The following MTMR3 variants were observed in gnomAD, a reference collection of about 807,000 sequenced individuals.
The protein encoded by MTMR3 is phosphatidylinositol-3,5-bisphosphate 3-phosphatase MTMR3.
A neutral mutation model predicts 132.4 loss-of-function variants in MTMR3; 32 were observed. The ratio of observed to expected loss-of-function variants is 0.24; its 90% CI spans 0.18 to 0.32. The LOEUF is 0.32. Among genes scored for constraint, MTMR3 ranks in the 10% least tolerant of loss-of-function variants. The probability of loss-of-function intolerance (pLI) is 1.00; values close to 1 mark genes in which losing one functional copy is unlikely to be tolerated. For synonymous variants in MTMR3, 556 were observed against 550.3 expected (o/e 1.01, Z -0.14); for missense variants, 1,216 against 1,489.6 (o/e 0.82, Z 3.02).
chr22:29,924,113 A>G (rs534955230), intron 1 of MTMR3, among the ~76,000 whole-genome samples: 39 of 152,226 alleles, frequency 2.6e-4, no homozygotes, highest in African/African-American at 8.9e-4. Context: ...GCCAAATGCT[A>G]TGTCATGAAG....
At chr22:29,985,116 A>C (rs1031273615) in intron 5 of MTMR3, 4 of 152,214 alleles carry the variant, frequency 2.6e-5, no homozygotes, top group Non-Finnish European at 5.9e-5. Flanking sequence ...TTGAACCTAA[A>C]GCAGTGTAGT....
At chr22:29,986,398 A>G (rs1269581997) in intron 5 of MTMR3, 1 of 207,372 alleles carries the variant, frequency 4.8e-6, no homozygotes, top group African/African-American at 2.4e-5. Context: ...CAGGCTACCC[A>G]GAGAACTGGC....
chr22:29,933,668 C>T (rs905434037), intron 1 of MTMR3, among the ~76,000 whole-genome samples: 1 of 149,750 alleles, frequency 6.7e-6, no homozygotes, highest in African/African-American at 2.4e-5. Flanking sequence ...AGACTTTAGT[C>T]ATCAATGATA....
chr22:29,980,710 A>G (rs761200659), intron 5 of MTMR3: 8 of 152,208 alleles, frequency 5.3e-5, no homozygotes, highest in African/African-American at 1.4e-4. Flanking sequence ...TTGATGGCCA[A>G]GTGTTTCAGA....
chr22:29,964,424 C>T (rs1253508598), intron 2 of MTMR3, among the ~76,000 whole-genome samples: 1 of 152,172 alleles, frequency 6.6e-6, no homozygotes, highest in Non-Finnish European at 1.5e-5. Context: ...GTACTTGATT[C>T]TGATGGGTTG....
chr22:29,936,347 G>T (rs553335310), intron 1 of MTMR3, among the ~76,000 whole-genome samples: 2 of 152,218 alleles, frequency 1.3e-5, no homozygotes, highest in African/African-American at 4.8e-5. Flanking sequence ...GTCTTATCCG[G>T]TCAGCTTTTT....
chr22:29,938,471 C>T (rs1008608161), intron 1 of MTMR3, among the ~76,000 whole-genome samples: 1 of 152,252 alleles, frequency 6.6e-6, no homozygotes, highest in Non-Finnish European at 1.5e-5. Flanking sequence ...GGGGACTTCC[C>T]CCAGCCCGCT....
At chr22:30,021,058 C>A in intron 17 of MTMR3, 174 bp downstream of exon 17, 1 of 672,142 alleles carries the variant, frequency 1.5e-6, no homozygotes, top group South Asian at 2.0e-5. Context: ...CGATGGCAGC[C>A]TGCCTGTTTT....
At position 30,020,414 on chromosome 22, in the gene MTMR3, T is replaced by C. The variant is rs1421296723; in HGVS notation, c.2755T>C (p.Leu919=). The change falls in exon 17 of 20, where the codon TTA becomes CTA. Residue 919 remains leucine (L), a synonymous_variant. Transcript: ENST00000401950. ...SLTRSPCALP[L]AECKEGLVCN... is the part of the protein sequence containing the mutation. Reference sequence around the variant, plus strand: ...GACACGTTCCCCTTGTGCCTTGCCTTTAGCCGAATGTAAAGAGGGGCTTGT... The same window carrying C: ...GACACGTTCCCCTTGTGCCTTGCCTCTAGCCGAATGTAAAGAGGGGCTTGT... The C allele has an allele frequency of 6.2e-7, 1 of 1,614,206 alleles. No individual in the cohort carries two copies. Among genetic ancestry groups the C allele is most frequent in the Non-Finnish European group, 8.5e-7 (1 of 1,180,022 alleles).
intron 1 of MTMR3, among the ~76,000 whole-genome samples, chr22:29,900,762 T>A (rs1407148500): frequency 1.3e-5 from 2 of 152,150 alleles, no homozygotes; most frequent in African/African-American, 4.8e-5. Flanking sequence ...TCACCCAGGG[T>A]GGAGTGAGTG....
chr22:29,944,298 T>C (rs2065913973), intron 1 of MTMR3, among the ~76,000 whole-genome samples: 1 of 151,890 alleles, frequency 6.6e-6, no homozygotes, highest in Admixed American at 6.5e-5. Context: ...AATCTAATAC[T>C]TATCTCCACT....
chr22:29,998,992 C>G (rs903826066), intron 8 of MTMR3, 135 bp downstream of exon 8: 1 of 544,004 alleles, frequency 1.8e-6, no homozygotes, highest in African/African-American at 2.0e-5. Context: ...AAGGCATGAT[C>G]TTCAGAGTAT....
intron 1 of MTMR3, among the ~76,000 whole-genome samples, chr22:29,929,312 C>T (rs1222349393): frequency 6.6e-6 from 1 of 151,966 alleles, no homozygotes; most frequent in Non-Finnish European, 1.5e-5. Context: ...ACTCATTTTT[C>T]CACCAGTGCC....
chr22:30,019,007 C>T (rs1401695996), intron 16 of MTMR3: 1 of 153,896 alleles, frequency 6.5e-6, no homozygotes, highest in African/African-American at 2.4e-5. Context: ...AGTTCAAGAC[C>T]AGCCTGAACA....
chr22:29,899,893 CTTTGTATGTA>C (rs1429989340), intron 1 of MTMR3, among the ~76,000 whole-genome samples: 3 of 152,266 alleles, frequency 2.0e-5, no homozygotes, highest in Middle Eastern at 6.8e-3. Flanking sequence ...AGGTGCACTT[CTTTGTATGTA>C]TATTATACCT....
chr22:29,995,157 CAT>C (rs2067037223), intron 7 of MTMR3: 1 of 152,306 alleles, frequency 6.6e-6, no homozygotes, highest in African/African-American at 2.4e-5. Context: ...CCACGACTAG[CAT>C]ATGACTCTGG....
At chr22:30,016,358 A>T in intron 14 of MTMR3, 170 bp from the exon 15 acceptor site, 1 of 631,342 alleles carries the variant, frequency 1.6e-6, no homozygotes, top group East Asian at 2.9e-5. Context: ...GGGTCCTGGA[A>T]TTGGTGGTGT....
At chr22:29,896,869 T>TCACACACACACACACACA (rs61038012) in intron 1 of MTMR3, among the ~76,000 whole-genome samples, 1,483 of 138,154 alleles carry the variant, frequency 0.011, 24 homozygotes, top group Middle Eastern at 0.018. Flanking sequence ...CAGGCTTGTC[T>TCACACACACACACACACA]CACACACACA....
intron 1 of MTMR3, among the ~76,000 whole-genome samples, 171 bp from the exon 2 acceptor site, chr22:29,956,865 T>A (rs1281702709): frequency 6.6e-6 from 1 of 152,182 alleles, no homozygotes; most frequent in Non-Finnish European, 1.5e-5. Context: ...TGTGCAGTTA[T>A]AAACATTCTA....
Sources: allele counts gnomAD v4.1 joint callset (sites outside exome capture counted in the v4.1 genomes callset), GRCh38; gene constraint gnomAD v4.1.1; transcripts MANE v1.5; gene names NCBI Gene and HGNC (gene_info 2026-07-23, HGNC 2026-07-21).